CEACAM20: variants seen among roughly 807,000 people sequenced by gnomAD.
The protein encoded by CEACAM20 is CEA cell adhesion molecule 20, also known as cell adhesion molecule CEACAM20.
CEACAM20 carries 50 observed loss-of-function variants against 61.2 expected under a neutral mutation model. The observed-to-expected ratio is 0.82, with a 90% CI of 0.65 to 1.03. The LOEUF is 1.03. Among genes scored for constraint, CEACAM20 ranks in the 50% least tolerant of loss-of-function variants. CEACAM20 has a pLI of 0.00. For synonymous variants in CEACAM20, 282 were observed against 287.7 expected (o/e 0.98, Z 0.20); for missense variants, 683 against 736.4 (o/e 0.93, Z 0.84).
chr19:44,513,004 C>G (rs1027950150), intron 7 of CEACAM20, 51 bp from the exon 8 acceptor site: 188 of 1,494,420 alleles, frequency 1.3e-4, no homozygotes, highest in Middle Eastern at 3.4e-4. Flanking sequence ...TTGCCCATCT[C>G]CACAGGTTCT....
intron 3 of CEACAM20, 57 bp downstream of exon 3, chr19:44,523,929 G>A (rs1352957453): frequency 3.4e-5 from 50 of 1,487,726 alleles, no homozygotes; most frequent in Non-Finnish European, 4.1e-5. Context: ...GAGACTGAAC[G>A]AGGCACTAAG....
rs201620702 is a variant in CEACAM20 at position 44,528,153 on chromosome 19, C to CT, written c.52+1304dup. The stretch of plus-strand genomic sequence containing the variant: ...TGGTATCTCTTTCTTTCTTTTCTTT[C>CT]TTTCTTTTCTTTCTTTCCTTTCTTT... On this transcript the variant is annotated intron_variant, in intron 1 of 11. Coordinates refer to ENST00000614924, the MANE Select transcript of CEACAM20 (RefSeq NM_001102597.3). Among the ~76,000 whole-genome samples, 121 of 113,074 alleles carry CT rather than the reference C, an allele frequency of 1.1e-3. 1 individual carries two copies. The highest frequency in any genetic ancestry group is 4.8e-3 in the African/African-American group (103 of 21,564). 74.2% of individuals were successfully genotyped at this position (113,074 alleles called of 152,430 possible). A position where few individuals can be genotyped will look rare whatever the true frequency, so the allele number is the denominator to read the frequency against.
In CEACAM20 at chr19:44,513,408, C is replaced by A. The variant is rs540500514; in HGVS notation, c.1310-119G>T. ...ATTTTGTGAGCACTTGTTTTCCAGTCGTTGGGAGGTATCAGATTGTGGTTT... is the reference window on the plus strand; with the variant it reads ...ATTTTGTGAGCACTTGTTTTCCAGTAGTTGGGAGGTATCAGATTGTGGTTT... On this transcript the variant is annotated intron_variant, in intron 6 of 11. Coordinates refer to ENST00000614924, the MANE Select transcript of CEACAM20 (RefSeq NM_001102597.3). 8 of 524,804 alleles carry A rather than the reference C, an allele frequency of 1.5e-5. No individual in the cohort carries two copies. In the South Asian group the frequency reaches 1.8e-4, roughly 12 times the overall value. The allele number at this position is 524,804 out of a possible 1,614,324, so 32.5% of individuals were successfully genotyped here.
chr19:44,520,719 C>T lies in CEACAM20; in HGVS notation c.785G>A (p.Ser262Asn). The change falls in exon 5 of 12, where the codon AGC becomes AAC. Residue 262 changes from serine (S) to asparagine (N), a missense_variant. Physicochemically the swap from Ser to Asn is conservative, Grantham distance 46. Coordinates refer to ENST00000614924, the MANE Select transcript of CEACAM20 (RefSeq NM_001102597.3). Reference protein sequence around the residue: ...TLTMPQVVPSSLNLVENARSV... With the variant: ...TLTMPQVVPSNLNLVENARSV... ...CCTAGCATTCTCCACAAGGTTCAGG[C>T]TTGAAGGCACGACTTGAGGCATGGT... is the stretch of plus-strand genomic sequence containing the variant. 6.2e-7 allele frequency: 1 copy of T among 1,613,820 alleles called. No individual in the cohort carries two copies.
chr19:44,520,970 T>C (rs946628375), intron 4 of CEACAM20, among the ~76,000 whole-genome samples: 5 of 152,100 alleles, frequency 3.3e-5, no homozygotes, highest in Admixed American at 6.6e-5. Flanking sequence ...GAATATGCAA[T>C]GAGTTTTGTG....
Position 44,522,789 on chromosome 19 carries a change from T to A in CEACAM20, c.596A>T (p.Tyr199Phe). 1 of 1,613,760 alleles carries A rather than the reference T, an allele frequency of 6.2e-7. No homozygotes were observed. Reference protein sequence around the residue: ...AETKSHPPCAYTWFLLDSILS... With the variant: ...AETKSHPPCAFTWFLLDSILS... ...AATGGAGTCAAGGAGAAACCAAGTA[T>A]AGGCACAGGGTGGGTGAGACTTTGT... The change falls in exon 4 of 12, where the codon TAT becomes TTT. Residue 199 changes from tyrosine (Y) to phenylalanine (F), a missense_variant. Transcript: ENST00000614924.
intron 11 of CEACAM20, among the ~76,000 whole-genome samples, chr19:44,507,813 T>C (rs1255871234): frequency 6.6e-6 from 1 of 152,162 alleles, no homozygotes; most frequent in Non-Finnish European, 1.5e-5. Context: ...GGATGATCGC[T>C]TGAGCCCAGG....
In CEACAM20 at chr19:44,506,874, A is replaced by G. The variant is rs140867199; in HGVS notation, c.1738-660T>C. ...ACTCCTGACCCACAGAAACTGTGAG[A>G]TAATGAATTCATGTTGTTTTAAGCT... On this transcript the variant is annotated intron_variant, in intron 11 of 11. Transcript: ENST00000614924. Among the ~76,000 whole-genome samples, 537 of 152,366 alleles carry G rather than the reference A, an allele frequency of 3.5e-3. 6 individuals carry two copies. Among genetic ancestry groups the G allele is most frequent in the African/African-American group, 0.012 (510 of 41,588 alleles).
Position 44,511,150 on chromosome 19 carries a change from CT to C in CEACAM20, c.1616del (p.Lys539SerfsTer22). 2 of 1,613,620 alleles carry C rather than the reference CT, an allele frequency of 1.2e-6. No homozygotes were observed. Among genetic ancestry groups the C allele is most frequent in the African/African-American group, 2.7e-5 (2 of 75,024 alleles). ...PDLPEETYETKLPSASRRGNS... is the reference protein window; with the variant it reads ...PDLPEETYETXLPSASRRGNS... Reference sequence around the variant, plus strand: ...TGCCTCTACGGCTTGCTGAAGGCAGCTTCGTCTGCAAGTAAGCAGAGAAATT... The same window carrying C: ...TGCCTCTACGGCTTGCTGAAGGCAGCTCGTCTGCAAGTAAGCAGAGAAATT... On this transcript the variant is annotated frameshift_variant, in exon 11 of 12. Transcript: ENST00000614924. LOFTEE classifies it high-confidence loss of function.
At chr19:44,513,116 C>T (rs1971051841) in intron 7 of CEACAM20, 56 bp downstream of exon 7, 1 of 1,428,030 alleles carries the variant, frequency 7.0e-7, no homozygotes, top group Non-Finnish European at 9.7e-7. Flanking sequence ...GCCCGGCAAG[C>T]GCCCCCTGCT....
intron 1 of CEACAM20, among the ~76,000 whole-genome samples, chr19:44,528,240 CTTTTTT>C (rs995571795): frequency 1.6e-5 from 2 of 122,466 alleles, no homozygotes; most frequent in Non-Finnish European, 1.7e-5. Context: ...TCTTCTTTTT[CTTTTTT>C]TTGACAGAGT....
chr19:44,508,778 G>T (rs1304556216), intron 11 of CEACAM20, among the ~76,000 whole-genome samples: 2 of 152,122 alleles, frequency 1.3e-5, no homozygotes, highest in African/African-American at 4.8e-5. Flanking sequence ...GAGATATAGT[G>T]GCAGATATCA....
intron 3 of CEACAM20, among the ~76,000 whole-genome samples, chr19:44,523,243 TACA>T (rs1449233289): frequency 6.6e-6 from 1 of 151,828 alleles, no homozygotes; most frequent in African/African-American, 2.4e-5. Context: ...ATCCCATCTC[TACA>T]AAAAATTTAA....
At chr19:44,527,153 C>T (rs1971554771) in intron 1 of CEACAM20, among the ~76,000 whole-genome samples, 1 of 152,140 alleles carries the variant, frequency 6.6e-6, no homozygotes, top group African/African-American at 2.4e-5. Flanking sequence ...TCAGTTTCTT[C>T]CACTGAAAAA....
chr19:44,514,048 C>T (rs1422152959), intron 6 of CEACAM20, among the ~76,000 whole-genome samples: 1 of 152,042 alleles, frequency 6.6e-6, no homozygotes, highest in Non-Finnish European at 1.5e-5. Flanking sequence ...AGAATAGAGG[C>T]ACAGACCAGA....
intron 1 of CEACAM20, among the ~76,000 whole-genome samples, chr19:44,526,136 T>A (rs1971522290): frequency 6.6e-6 from 1 of 152,300 alleles, no homozygotes; most frequent in East Asian, 1.9e-4. Flanking sequence ...GTGAAAAATA[T>A]TAACTTTTGG....
chr19:44,515,465 A>G (rs1971129203), intron 6 of CEACAM20, among the ~76,000 whole-genome samples: 1 of 152,162 alleles, frequency 6.6e-6, no homozygotes, highest in Non-Finnish European at 1.5e-5. Context: ...ATGGTGTCCT[A>G]GGCTTAGTGA....
At chr19:44,526,974 C>A (rs1053106836) in intron 1 of CEACAM20, among the ~76,000 whole-genome samples, 3 of 152,080 alleles carry the variant, frequency 2.0e-5, no homozygotes, top group African/African-American at 7.2e-5. Context: ...CCCATGAGCT[C>A]AATTAACACA....
chr19:44,513,674 C>A (rs1325675329), intron 6 of CEACAM20, among the ~76,000 whole-genome samples: 4 of 151,978 alleles, frequency 2.6e-5, no homozygotes, highest in Non-Finnish European at 4.4e-5. Flanking sequence ...CTCCTGACCT[C>A]AAGTGATCCG....
Sources: gnomAD v4.1 joint callset for allele counts (sites outside exome capture counted in the v4.1 genomes callset) on GRCh38, gnomAD v4.1.1 for gene constraint, MANE v1.5 for transcripts, NCBI Gene and HGNC (gene_info 2026-07-23, HGNC 2026-07-21) for gene names.